Variants in HSPA12A observed in about 807,000 individuals in gnomAD.
The protein encoded by HSPA12A is heat shock protein family A (Hsp70) member 12A, also known as heat shock 70 kDa protein 12A.
A neutral mutation model predicts 69.2 loss-of-function variants in HSPA12A; 28 were observed. The observed-to-expected ratio is 0.40, with a 90% confidence interval of 0.30 to 0.55. HSPA12A has a LOEUF of 0.55. Ranked by LOEUF, HSPA12A falls within the 20% of genes least tolerant of loss-of-function variation. The pLI is 0.38. For synonymous variants in HSPA12A, 345 were observed against 370.5 expected (o/e 0.93, Z 0.79); for missense variants, 686 against 900.7 (o/e 0.76, Z 3.05).
At chr10:116,792,260 A>AAAG in intron 2 of HSPA12A, among the ~76,000 whole-genome samples, 1 of 6,568 alleles carries the variant, frequency 1.5e-4, no homozygotes, top group Admixed American at 3.4e-3. Context: ...ACTCGGTCTC[A>AAAG]AAAAAAAAAA....
At chr10:116,727,588 G>T (rs1372191166) in intron 1 of HSPA12A, among the ~76,000 whole-genome samples, 1 of 152,082 alleles carries the variant, frequency 6.6e-6, no homozygotes, top group Non-Finnish European at 1.5e-5. Flanking sequence ...CTTCATGATG[G>T]TGTAAAGGCG....
chr10:116,682,580 T>C (rs1214893520), intron 7 of HSPA12A, among the ~76,000 whole-genome samples: 3 of 152,190 alleles, frequency 2.0e-5, no homozygotes, highest in African/African-American at 4.8e-5. Flanking sequence ...CCTCCGCTCC[T>C]GCTGTGGCTT....
chr10:116,809,171 C>A (rs934471347), intron 2 of HSPA12A, among the ~76,000 whole-genome samples: 1 of 152,148 alleles, frequency 6.6e-6, no homozygotes, highest in South Asian at 2.1e-4. Context: ...GCACCTGGCT[C>A]AGGGGCAGAG....
chr10:116,742,528 G>C lies in HSPA12A; in HGVS notation c.-59C>G, dbSNP rs1316934323. On this transcript the variant is annotated 5_prime_UTR_variant, in exon 1 of 12. Transcript: ENST00000369209. Reference sequence around the variant, plus strand: ...CAGCGCAGCGCCCGTGCCCGTGCGGGTCTCTGTCCGCGTCCGCGGCGGCGC... The same window carrying C: ...CAGCGCAGCGCCCGTGCCCGTGCGGCTCTCTGTCCGCGTCCGCGGCGGCGC... The C allele has an allele frequency of 1.7e-6, 2 of 1,203,998 alleles. No individual in the cohort carries two copies. The highest frequency in any genetic ancestry group is 3.7e-5 in the East Asian group (1 of 27,364). The allele number at this position is 1,203,998 out of a possible 1,614,324, so 74.6% of individuals were successfully genotyped here.
chr10:116,732,343 A>C (rs929658119), intron 1 of HSPA12A, among the ~76,000 whole-genome samples: 1 of 150,620 alleles, frequency 6.6e-6, no homozygotes, highest in Middle Eastern at 3.4e-3. Flanking sequence ...AAAGAAAGAA[A>C]GAAAGAAAGA....
chr10:116,749,697 G>A (rs1851729846), intron 2 of HSPA12A, among the ~76,000 whole-genome samples: 1 of 152,226 alleles, frequency 6.6e-6, no homozygotes. Context: ...CTTGACTCAT[G>A]TAGCGGCACT....
At chr10:116,815,110 T>A (rs61872975) in intron 2 of HSPA12A, among the ~76,000 whole-genome samples, 7 of 149,724 alleles carry the variant, frequency 4.7e-5, no homozygotes, top group Admixed American at 6.7e-5. Context: ...TTTTTTTTTT[T>A]AATTAGCACC....
chr10:116,775,829 G>T (rs1292466868), intron 2 of HSPA12A, among the ~76,000 whole-genome samples: 1 of 152,090 alleles, frequency 6.6e-6, no homozygotes, highest in Non-Finnish European at 1.5e-5. Flanking sequence ...TGACCTCTCT[G>T]TCCCTGGGGT....
At chr10:116,685,601 C>T (rs1435554060) in intron 6 of HSPA12A, among the ~76,000 whole-genome samples, 3 of 150,930 alleles carry the variant, frequency 2.0e-5, no homozygotes, top group South Asian at 4.2e-4. Flanking sequence ...TGCCATTGTA[C>T]CCCAGCCTGG....
chr10:116,839,576 T>C (rs146902645), intron 1 of HSPA12A, among the ~76,000 whole-genome samples: 78 of 138,146 alleles, frequency 5.6e-4, no homozygotes, highest in African/African-American at 1.8e-3. Flanking sequence ...GTGTGACTGA[T>C]TCCAAAGGAC....
intron 1 of HSPA12A, among the ~76,000 whole-genome samples, chr10:116,844,645 A>G (rs968759236): frequency 2.6e-5 from 4 of 152,194 alleles, no homozygotes; most frequent in Admixed American, 6.5e-5. Flanking sequence ...TATTGTCTCT[A>G]GTTTCTATGA....
intron 1 of HSPA12A, among the ~76,000 whole-genome samples, chr10:116,724,230 T>C (rs1850875801): frequency 6.6e-6 from 1 of 152,212 alleles, no homozygotes; most frequent in African/African-American, 2.4e-5. Context: ...ACACGCACTT[T>C]GGGTTCAGAG....
At chr10:116,815,063 G>A (rs1297815824) in intron 2 of HSPA12A, among the ~76,000 whole-genome samples, 1 of 151,166 alleles carries the variant, frequency 6.6e-6, no homozygotes, top group Non-Finnish European at 1.5e-5. Flanking sequence ...GTTGACTTTT[G>A]AACCTAAGTA....
At chr10:116,815,739 C>T (rs999965051) in intron 2 of HSPA12A, among the ~76,000 whole-genome samples, 3 of 152,194 alleles carry the variant, frequency 2.0e-5, no homozygotes, top group South Asian at 2.1e-4. Flanking sequence ...CCCCACCAAA[C>T]GCTGCCAGCC....
chr10:116,835,651 A>G (rs1223646909), intron 1 of HSPA12A, among the ~76,000 whole-genome samples: 2 of 152,252 alleles, frequency 1.3e-5, no homozygotes, highest in Admixed American at 6.5e-5. Context: ...GGGGAAAAGC[A>G]TATCTTGTTC....
intron 1 of HSPA12A, among the ~76,000 whole-genome samples, chr10:116,734,496 C>T (rs1851253460): frequency 6.6e-6 from 1 of 150,566 alleles, no homozygotes; most frequent in Non-Finnish European, 1.5e-5. Flanking sequence ...GTCACCCACA[C>T]ACCCATACCC....
At chr10:116,751,117 AAAGG>A (rs1217107533) in intron 2 of HSPA12A, 2 of 171,172 alleles carry the variant, frequency 1.2e-5, no homozygotes, top group African/African-American at 4.7e-5. Context: ...GAGATGAAGA[AAAGG>A]AAGAGAGAAG....
chr10:116,847,937 T>C (rs1845923693), intron 1 of HSPA12A, among the ~76,000 whole-genome samples: 1 of 152,150 alleles, frequency 6.6e-6, no homozygotes, highest in Non-Finnish European at 1.5e-5. Flanking sequence ...AAGGAAGGGC[T>C]GGCTGGAGTG....
chr10:116,678,028 AT>A (rs1341450664), intron 10 of HSPA12A, among the ~76,000 whole-genome samples: 17 of 150,836 alleles, frequency 1.1e-4, no homozygotes, highest in Non-Finnish European at 7.4e-5. Context: ...AACCCAACCT[AT>A]TTATCCTGTC....
Sources: gnomAD v4.1 joint callset for allele counts (sites outside exome capture counted in the v4.1 genomes callset) on GRCh38, gnomAD v4.1.1 for gene constraint, MANE v1.5 for transcripts, NCBI Gene and HGNC (gene_info 2026-07-23, HGNC 2026-07-21) for gene names.